The following MTMR8 variants were observed in gnomAD, a reference collection of about 807,000 sequenced individuals.
MTMR8 encodes phosphatidylinositol-3,5-bisphosphate 3-phosphatase MTMR8.
Under a neutral mutation model 39.3 loss-of-function variants are expected in MTMR8, and 65 were observed. That is an observed-to-expected ratio of 1.65 (90% CI 1.35 to 2.03). The LOEUF is 2.03. MTMR8 is among the 30% of genes most tolerant of loss of function. The probability of loss-of-function intolerance (pLI) is 0.00; values close to 1 mark genes in which losing one functional copy is unlikely to be tolerated. For synonymous variants in MTMR8, 245 were observed against 185.2 expected (o/e 1.32, Z -2.62); for missense variants, 777 against 538.9 (o/e 1.44, Z -4.37).
At position 64,302,528 on chromosome X, in the gene MTMR8, G is replaced by T. The variant is rs189707547; in HGVS notation, c.1481+26244C>A. 3.7e-3 allele frequency among the ~76,000 whole-genome samples: 416 copies of T among 112,062 alleles called. 3 individuals are homozygous for T. Among genetic ancestry groups the T allele is most frequent in the Non-Finnish European group, 5.9e-3 (315 of 53,183 alleles). The stretch of plus-strand genomic sequence containing the variant: ...GAAATGCAGAAATCACCCGTCTTAT[G>T]CGTCGCTCACGCTGGGAGCTGTAGA... On this transcript the variant is annotated intron_variant, in intron 12 of 13. Coordinates refer to ENST00000374852, the MANE Select transcript of MTMR8 (RefSeq NM_017677.4).
intron 9 of MTMR8, among the ~76,000 whole-genome samples, chrX:64,336,842 A>G (rs887831968): frequency 7.1e-5 from 8 of 112,091 alleles, no homozygotes; most frequent in Admixed American, 3.8e-4. Context: ...CAAAGAAATG[A>G]GAATAAACCA....
rs772360352 is a variant in MTMR8, at chrX:64,273,427, TA to T, written c.1482-2355del. On this transcript the variant is annotated intron_variant, in intron 12 of 13. Transcript: ENST00000374852. ...TTACAAAGGAAATACCTACAGAAGT[TA>T]AAAAAAAAAGAAAGAAGTGAAAGAA... Among the ~76,000 whole-genome samples the T allele has an allele frequency of 1.6e-3, 157 of 98,759 alleles. 1 individual carries two copies. Among genetic ancestry groups the T allele is most frequent in the Middle Eastern group, 0.011 (2 of 190 alleles). The allele number at this position is 98,759 out of a possible 115,157, so 85.8% of individuals were successfully genotyped here.
At chrX:64,350,156 C>A in intron 4 of MTMR8, 86 bp from the exon 5 acceptor site, 2 of 538,908 alleles carry the variant, frequency 3.7e-6, no homozygotes, top group Non-Finnish European at 4.8e-6. Flanking sequence ...ATTTTGGTAA[C>A]CACTAAAAGC....
chrX:64,386,788 A>G (rs1924570881), intron 1 of MTMR8, among the ~76,000 whole-genome samples: 1 of 111,567 alleles, frequency 9.0e-6, no homozygotes, highest in East Asian at 2.8e-4. Context: ...TTTCACCTGT[A>G]ATTCCAGAAC....
At chrX:64,367,901 C>T (rs1376207524) in intron 1 of MTMR8, among the ~76,000 whole-genome samples, 4 of 112,212 alleles carry the variant, frequency 3.6e-5, no homozygotes, top group South Asian at 3.7e-4. Context: ...TGATAGGCAA[C>T]TTCAGCAAGG....
intron 4 of MTMR8, among the ~76,000 whole-genome samples, chrX:64,351,983 T>C (rs1202794557): frequency 9.0e-6 from 1 of 111,219 alleles, no homozygotes; most frequent in East Asian, 2.8e-4. Context: ...ATACTTTGCA[T>C]ACTTCAATCC....
rs1162675077 is a variant in MTMR8 at position 64,370,952 on chromosome X, A to T, written c.25-11425T>A. On this transcript the variant is annotated intron_variant, in intron 1 of 13. Transcript: ENST00000374852. ...AGGATTGCTTGAGCCCAGGAGTTCA[A>T]CACTATCCTGGGCAACATAGCAAGA... Among the ~76,000 whole-genome samples, 3 of 111,723 alleles carry T rather than the reference A, an allele frequency of 2.7e-5. No homozygotes were observed. In the Admixed American group the frequency reaches 2.9e-4, roughly 11 times the overall value.
chrX:64,328,455 T>C (rs1371860666), intron 12 of MTMR8, among the ~76,000 whole-genome samples: 1 of 111,451 alleles, frequency 9.0e-6, no homozygotes, highest in African/African-American at 3.3e-5. Context: ...CTTTTCTTTG[T>C]TGGGGAAGGG....
chrX:64,333,176 T>C (rs1922986327), intron 10 of MTMR8, among the ~76,000 whole-genome samples: 1 of 111,833 alleles, frequency 8.9e-6, no homozygotes, highest in Non-Finnish European at 1.9e-5. Context: ...TTCACACCAT[T>C]CAAATTGAGT....
chrX:64,289,125 C>T (rs1454671095), intron 12 of MTMR8, among the ~76,000 whole-genome samples: 3 of 109,805 alleles, frequency 2.7e-5, no homozygotes, highest in Non-Finnish European at 3.8e-5. Context: ...GTCATTTCTC[C>T]AAAGAAATTA....
In MTMR8 at chrX:64,348,705, T is replaced by G; in HGVS notation, c.687A>C (p.Thr229=). 8.3e-7 allele frequency: 1 copy of G among 1,211,111 alleles called. No homozygotes were observed. The highest frequency in any genetic ancestry group is 1.1e-6 in the Non-Finnish European group (1 of 894,978). The change falls in exon 6 of 14, where the codon ACA becomes ACC. Residue 229 remains threonine, a synonymous_variant. Transcript: ENST00000374852. ...CATACATAAACTGGCTCCCTGGGTT[T>G]GTTTGGCTAATGGCCTCCAACAAGA... is the stretch of plus-strand genomic sequence containing the variant. ...DELLLEAISQ[T]NPGSQFMYVV...
chrX:64,337,850 G>C (rs773609251), intron 8 of MTMR8, among the ~76,000 whole-genome samples: 3 of 111,451 alleles, frequency 2.7e-5, no homozygotes, highest in Non-Finnish European at 5.6e-5. Context: ...GTCTTAGGTC[G>C]CTTTAACAAG....
chrX:64,395,425 A>G lies in MTMR8; in HGVS notation c.-62T>C. The G allele has an allele frequency of 8.7e-7, 1 of 1,146,043 alleles. No homozygotes were observed. The highest frequency in any genetic ancestry group is 1.8e-5 in the South Asian group (1 of 55,108). 94.4% of individuals were successfully genotyped at this position (1,146,043 alleles called of 1,213,427 possible). A position where few individuals can be genotyped will look rare whatever the true frequency, so the allele number is the denominator to read the frequency against. On this transcript the variant is annotated 5_prime_UTR_variant, in exon 1 of 14. Transcript: ENST00000374852. ...CTCCAGATGCCGCCGCCACCGGTCT[A>G]GCCGCCTCCTGCCTCAACCCGGGTT... is the stretch of plus-strand genomic sequence containing the variant.
chrX:64,344,695 C>T (rs1279894361), intron 7 of MTMR8, among the ~76,000 whole-genome samples: 1 of 111,496 alleles, frequency 9.0e-6, no homozygotes, highest in Non-Finnish European at 1.9e-5. Flanking sequence ...TAATTTCTTA[C>T]CTTAAGGATG....
intron 12 of MTMR8, among the ~76,000 whole-genome samples, chrX:64,278,066 T>C (rs1440585803): frequency 9.1e-6 from 1 of 109,502 alleles, no homozygotes; most frequent in East Asian, 2.9e-4. Flanking sequence ...GTGCTGTGTT[T>C]TTCAGCTCTA....
At chrX:64,373,991 G>A (rs1048537100) in intron 1 of MTMR8, among the ~76,000 whole-genome samples, 1 of 111,936 alleles carries the variant, frequency 8.9e-6, no homozygotes, top group Non-Finnish European at 1.9e-5. Context: ...CCAGACAACA[G>A]CAAAAATACA....
rs1265462580 is a variant in MTMR8 at position 64,294,958 on chromosome X, G to C, written c.1482-23885C>G. The stretch of plus-strand genomic sequence containing the variant: ...CAAGACCTCTTTATTAAATCTTGGG[G>C]TTACCTTTGGAACTCAGAAGGGTGA... On this transcript the variant is annotated intron_variant, in intron 12 of 13. Transcript: ENST00000374852. Among the ~76,000 whole-genome samples, 3 of 111,220 alleles carry C rather than the reference G, an allele frequency of 2.7e-5. No individual in the cohort carries two copies. The South Asian group carries it at 1.2e-3, about 43-fold the overall frequency.
intron 1 of MTMR8, among the ~76,000 whole-genome samples, chrX:64,377,141 C>T (rs553490682): frequency 1.2e-4 from 13 of 112,486 alleles, no homozygotes; most frequent in Middle Eastern, 4.6e-3. Context: ...AGGCAGAAGT[C>T]TGCTACAGAG....
At chrX:64,309,135 G>C (rs1439749814) in intron 12 of MTMR8, among the ~76,000 whole-genome samples, 1 of 112,029 alleles carries the variant, frequency 8.9e-6, no homozygotes, top group Non-Finnish European at 1.9e-5. Flanking sequence ...CAGCCTGTCA[G>C]TATTCACAAA....
Sources: allele counts gnomAD v4.1 joint callset (sites outside exome capture counted in the v4.1 genomes callset), GRCh38; gene constraint gnomAD v4.1.1; transcripts MANE v1.5; gene names NCBI Gene and HGNC (gene_info 2026-07-23, HGNC 2026-07-21).